Variants in CNTNAP2 observed in about 807,000 individuals in gnomAD.
The protein encoded by CNTNAP2 is contactin associated protein 2, also known as contactin-associated protein-like 2.
CNTNAP2 carries 98 observed loss-of-function variants against 155.2 expected under a neutral mutation model. That is an observed-to-expected ratio of 0.63 (90% confidence interval 0.54 to 0.75). The LOEUF (loss-of-function observed/expected upper bound fraction) is 0.75. Among genes scored for constraint, CNTNAP2 ranks in the 30% least tolerant of loss-of-function variants. The pLI, the probability that CNTNAP2 is intolerant of heterozygous loss-of-function variation, is 0.00. For synonymous variants in CNTNAP2, 651 were observed against 631.2 expected, an observed-to-expected ratio of 1.03 and a Z score of -0.47; for missense variants, 1,727 against 1,688.1, an observed-to-expected ratio of 1.02 and a Z score of -0.40.
intron 21 of CNTNAP2, among the ~76,000 whole-genome samples, chr7:148,351,744 C>CAAGAAAAAAAA (rs1798430262): frequency 1.2e-5 from 1 of 85,396 alleles, no homozygotes; most frequent in South Asian, 4.9e-4. Flanking sequence ...CTCTGTCTCA[C>CAAGAAAAAAAA]AAAAAAAAAA....
At chr7:146,373,628 AG>A (rs1243578933) in intron 1 of CNTNAP2, among the ~76,000 whole-genome samples, 1 of 152,174 alleles carries the variant, frequency 6.6e-6, no homozygotes, top group Non-Finnish European at 1.5e-5. Flanking sequence ...CCAAAATCCT[AG>A]AATTAAGATT....
At chr7:148,083,254 A>G (rs1803650785) in intron 15 of CNTNAP2, among the ~76,000 whole-genome samples, 1 of 152,176 alleles carries the variant, frequency 6.6e-6, no homozygotes, top group Non-Finnish European at 1.5e-5. Flanking sequence ...ATTTTCTTAA[A>G]TGCACATGAT....
At chr7:146,988,675 A>G (rs1007005851) in intron 3 of CNTNAP2, among the ~76,000 whole-genome samples, 9 of 152,212 alleles carry the variant, frequency 5.9e-5, no homozygotes, top group African/African-American at 2.2e-4. Flanking sequence ...AGATGCTGAT[A>G]TGTATCTTCA....
intron 1 of CNTNAP2, among the ~76,000 whole-genome samples, chr7:146,254,601 A>G (rs1321604842): frequency 6.6e-6 from 1 of 152,238 alleles, no homozygotes; most frequent in African/African-American, 2.4e-5. Context: ...AAGCCATTTT[A>G]GAAATAAAAA....
intron 18 of CNTNAP2, among the ~76,000 whole-genome samples, chr7:148,213,998 C>T (rs1454346142): frequency 1.3e-5 from 2 of 152,238 alleles, no homozygotes; most frequent in African/African-American, 2.4e-5. Flanking sequence ...ACTGCCAATA[C>T]ACTGTGCCTT....
At position 146,250,633 on chromosome 7, in the gene CNTNAP2, C is replaced by G. The variant is rs888032018; in HGVS notation, c.97+133660C>G. Among the ~76,000 whole-genome samples, 5 of 152,272 alleles carry G rather than the reference C, an allele frequency of 3.3e-5. No homozygotes were observed. The East Asian group carries it at 9.7e-4, about 29-fold the overall frequency. Reference sequence around the variant, plus strand: ...CTGATGGCATCACTATGCTCACTGCCTTCACCCATATGATTCTCATATGTG... The same window carrying G: ...CTGATGGCATCACTATGCTCACTGCGTTCACCCATATGATTCTCATATGTG... On this transcript the variant is annotated intron_variant, in intron 1 of 23. Coordinates refer to ENST00000361727, the MANE Select transcript of CNTNAP2 (RefSeq NM_014141.6).
At chr7:146,340,810 G>T (rs950497726) in intron 1 of CNTNAP2, among the ~76,000 whole-genome samples, 2 of 152,128 alleles carry the variant, frequency 1.3e-5, no homozygotes, top group African/African-American at 4.8e-5. Flanking sequence ...GCAAATATTT[G>T]CTAAAATAAG....
intron 13 of CNTNAP2, among the ~76,000 whole-genome samples, chr7:147,755,202 T>C: frequency 6.6e-6 from 1 of 152,184 alleles, no homozygotes; most frequent in East Asian, 1.9e-4. Context: ...AGGGAGACTT[T>C]AGCATAGTGA....
intron 12 of CNTNAP2, among the ~76,000 whole-genome samples, chr7:147,575,021 A>T (rs1360242762): frequency 6.6e-6 from 1 of 151,890 alleles, no homozygotes; most frequent in East Asian, 1.9e-4. Flanking sequence ...CATTCTACTA[A>T]GTCAGTGAGC....
At chr7:147,144,301 G>A (rs961736728) in intron 8 of CNTNAP2, among the ~76,000 whole-genome samples, 4 of 152,124 alleles carry the variant, frequency 2.6e-5, no homozygotes, top group Non-Finnish European at 5.9e-5. Context: ...GTGTGGACAC[G>A]GAGAAGTAAA....
intron 8 of CNTNAP2, among the ~76,000 whole-genome samples, chr7:147,194,098 C>G (rs1000724558): frequency 6.6e-6 from 1 of 151,102 alleles, no homozygotes; most frequent in Non-Finnish European, 1.5e-5. Flanking sequence ...CACCCCCCAA[C>G]AGGCCCTGGT....
At position 148,278,512 on chromosome 7, in the gene CNTNAP2, G is replaced by C. The variant is rs577501807; in HGVS notation, c.3475+11386G>C. Among the ~76,000 whole-genome samples the C allele has an allele frequency of 5.2e-4, 74 of 142,276 alleles. No individual in the cohort carries two copies. The South Asian group carries it at 0.016, about 31-fold the overall frequency. The allele number at this position is 142,276 out of a possible 152,430, so 93.3% of individuals were successfully genotyped here. On this transcript the variant is annotated intron_variant, in intron 21 of 23. Coordinates refer to ENST00000361727, the MANE Select transcript of CNTNAP2 (RefSeq NM_014141.6). ...GTGAACCCAGGAGGTGGAGCTTGCAGTAAGCCGAGATCGCGCCACTGCACT... is the reference window on the plus strand; with the variant it reads ...GTGAACCCAGGAGGTGGAGCTTGCACTAAGCCGAGATCGCGCCACTGCACT...
At chr7:147,433,919 A>T (rs1278649581) in intron 10 of CNTNAP2, among the ~76,000 whole-genome samples, 1 of 152,236 alleles carries the variant, frequency 6.6e-6, no homozygotes, top group Admixed American at 6.5e-5. Flanking sequence ...AGTATATATT[A>T]AAATAGCAGT....
chr7:146,250,156 T>C (rs1799733595), intron 1 of CNTNAP2, among the ~76,000 whole-genome samples: 2 of 152,192 alleles, frequency 1.3e-5, no homozygotes, highest in African/African-American at 4.8e-5. Context: ...TATAGTAACA[T>C]CTTAGATAAT....
At chr7:146,943,425 GA>G (rs1194518327) in intron 3 of CNTNAP2, among the ~76,000 whole-genome samples, 1 of 152,182 alleles carries the variant, frequency 6.6e-6, no homozygotes, top group Non-Finnish European at 1.5e-5. Context: ...CTGGGAGACA[GA>G]GGTTGCAGTG....
chr7:147,582,837 AAT>A (rs1800531356), intron 12 of CNTNAP2, among the ~76,000 whole-genome samples: 1 of 152,196 alleles, frequency 6.6e-6, no homozygotes, highest in African/African-American at 2.4e-5. Flanking sequence ...CAAAGCTACT[AAT>A]ATTAATCTGG....
chr7:146,308,858 A>G (rs979279077), intron 1 of CNTNAP2, among the ~76,000 whole-genome samples: 5 of 152,162 alleles, frequency 3.3e-5, no homozygotes, highest in African/African-American at 1.2e-4. Context: ...GGATAGCATT[A>G]GGAGATATAC....
At chr7:147,443,640 T>A (rs1797681122) in intron 10 of CNTNAP2, among the ~76,000 whole-genome samples, 1 of 152,074 alleles carries the variant, frequency 6.6e-6, no homozygotes, top group Non-Finnish European at 1.5e-5. Context: ...TTTGTAACAT[T>A]TTTTTAGCTC....
intron 22 of CNTNAP2, among the ~76,000 whole-genome samples, chr7:148,397,839 T>C (rs1799502169): frequency 6.6e-6 from 1 of 152,230 alleles, no homozygotes; most frequent in Admixed American, 6.5e-5. Flanking sequence ...AGTTTCTCCT[T>C]GATGGCCATT....
Sources: allele counts gnomAD v4.1 joint callset (sites outside exome capture counted in the v4.1 genomes callset), GRCh38; gene constraint gnomAD v4.1.1; transcripts MANE v1.5; gene names NCBI Gene and HGNC (gene_info 2026-07-23, HGNC 2026-07-21).